Variants in THSD7B observed in about 807,000 individuals in gnomAD.
THSD7B encodes the protein thrombospondin type 1 domain containing 7B, also known as thrombospondin type-1 domain-containing protein 7B.
THSD7B carries 138 observed loss-of-function variants against 213.6 expected under a neutral mutation model. The observed-to-expected ratio is 0.65, with a 90% CI of 0.56 to 0.74. The LOEUF (loss-of-function observed/expected upper bound fraction) is 0.74, where lower values mean the gene tolerates loss of function less well. Among genes scored for constraint, THSD7B ranks in the 30% least tolerant of loss-of-function variants. The pLI, the probability that THSD7B is intolerant of heterozygous loss-of-function variation, is 0.00. For synonymous variants in THSD7B, 742 were observed against 687.0 expected (o/e 1.08, Z -1.25); for missense variants, 1,931 against 1,991.5 (o/e 0.97, Z 0.58).
chr2:137,273,995 T>C (rs566803592), intron 11 of THSD7B, among the ~76,000 whole-genome samples: 1 of 152,236 alleles, frequency 6.6e-6, no homozygotes, highest in Non-Finnish European at 1.5e-5. Context: ...CATTTCTTTG[T>C]CCACTCTTTT....
intron 2 of THSD7B, among the ~76,000 whole-genome samples, chr2:136,950,056 A>G (rs577440063): frequency 6.6e-6 from 1 of 152,286 alleles, no homozygotes; most frequent in East Asian, 1.9e-4. Flanking sequence ...GTTTGAGACA[A>G]GCCTGGCCAC....
At position 137,404,629 on chromosome 2, in the gene THSD7B, C is replaced by T. The variant is rs372684159; in HGVS notation, c.2501-984C>T. 2.0e-5 allele frequency among the ~76,000 whole-genome samples: 3 copies of T among 148,898 alleles called. No homozygotes were observed. In the South Asian group the frequency reaches 6.4e-4, roughly 32 times the overall value. On this transcript the variant is annotated intron_variant, in intron 12 of 27. Coordinates refer to ENST00000409968, the MANE Select transcript of THSD7B (RefSeq NM_001316349.2). ...TACTATATATGATCATATATATGATCGTATATAGTGTATATATAATATATA... is the reference window on the plus strand; with the variant it reads ...TACTATATATGATCATATATATGATTGTATATAGTGTATATATAATATATA...
At chr2:137,638,414 T>C (rs1682874929) in intron 20 of THSD7B, among the ~76,000 whole-genome samples, 1 of 152,138 alleles carries the variant, frequency 6.6e-6, no homozygotes, top group African/African-American at 2.4e-5. Flanking sequence ...GCCTTTCACC[T>C]CCCACCATGA....
At chr2:136,776,163 G>T (rs895827529) in intron 1 of THSD7B, among the ~76,000 whole-genome samples, 4 of 152,084 alleles carry the variant, frequency 2.6e-5, no homozygotes, top group African/African-American at 4.8e-5. Flanking sequence ...GGGTTTTATA[G>T]GTGAGTAGAT....
intron 7 of THSD7B, among the ~76,000 whole-genome samples, chr2:137,176,559 A>G (rs911903816): frequency 6.6e-6 from 1 of 152,222 alleles, no homozygotes; most frequent in African/African-American, 2.4e-5. Flanking sequence ...TGGAATAGTC[A>G]GAAGTAATGG....
At position 137,072,837 on chromosome 2, in the gene THSD7B, C is replaced by T. The variant is rs535358990; in HGVS notation, c.950+15607C>T. ...AAGCGTTGTTGAATTTTGTCAAAGGCCTTTTCTGCATCTATTGAGATAACC... is the reference window on the plus strand; with the variant it reads ...AAGCGTTGTTGAATTTTGTCAAAGGTCTTTTCTGCATCTATTGAGATAACC... On this transcript the variant is annotated intron_variant, in intron 3 of 27. Transcript: ENST00000409968. Among the ~76,000 whole-genome samples the T allele has an allele frequency of 5.3e-5, 8 of 152,152 alleles. No homozygotes were observed. In the East Asian group the frequency reaches 1.4e-3, roughly 26 times the overall value.
At chr2:137,027,904 GA>G (rs1181145118) in intron 2 of THSD7B, among the ~76,000 whole-genome samples, 2 of 152,124 alleles carry the variant, frequency 1.3e-5, no homozygotes, top group African/African-American at 4.8e-5. Context: ...CATCAGAGAG[GA>G]AAGTCATATT....
chr2:137,171,103 C>T (rs762341598), intron 7 of THSD7B, among the ~76,000 whole-genome samples, 165 bp downstream of exon 7: 22 of 152,070 alleles, frequency 1.4e-4, no homozygotes, highest in Non-Finnish European at 2.6e-4. Flanking sequence ...AAGTAAGGTG[C>T]CGTGACTTAA....
intron 17 of THSD7B, among the ~76,000 whole-genome samples, chr2:137,593,835 T>C (rs900838528): frequency 2.6e-5 from 4 of 152,004 alleles, no homozygotes; most frequent in African/African-American, 7.2e-5. Flanking sequence ...TCCTAAGAAA[T>C]CTTTTTCTTA....
At chr2:137,309,319 G>A (rs1443816547) in intron 12 of THSD7B, among the ~76,000 whole-genome samples, 1 of 151,150 alleles carries the variant, frequency 6.6e-6, no homozygotes, top group African/African-American at 2.4e-5. Context: ...CTGGCTGTTT[G>A]CTTTTTTGTC....
chr2:136,793,457 T>C lies in THSD7B; in HGVS notation c.-36+27770T>C, dbSNP rs750727047. On this transcript the variant is annotated intron_variant, in intron 1 of 27. Coordinates refer to ENST00000409968, the MANE Select transcript of THSD7B (RefSeq NM_001316349.2). ...AGTCCTTTATCATATACGTAGTTCATAAATATTTTTCCCAGTGTGTGGGGT... is the reference window on the plus strand; with the variant it reads ...AGTCCTTTATCATATACGTAGTTCACAAATATTTTTCCCAGTGTGTGGGGT... Among the ~76,000 whole-genome samples, 5 of 152,168 alleles carry C rather than the reference T, an allele frequency of 3.3e-5. No individual in the cohort carries two copies. In the South Asian group the frequency reaches 6.2e-4, roughly 19 times the overall value.
chr2:136,788,560 C>CTAT (rs1681910121), intron 1 of THSD7B, among the ~76,000 whole-genome samples: 3 of 151,528 alleles, frequency 2.0e-5, no homozygotes, highest in Admixed American at 6.6e-5. Flanking sequence ...ATTTTTTTTC[C>CTAT]TTTGGAGAAT....
intron 7 of THSD7B, among the ~76,000 whole-genome samples, chr2:137,202,104 G>T (rs943138065): frequency 6.6e-6 from 1 of 152,104 alleles, no homozygotes; most frequent in Non-Finnish European, 1.5e-5. Flanking sequence ...GCAGAAGAGA[G>T]ATTCTTTGTT....
chr2:137,053,363 CT>C (rs1346038367), intron 2 of THSD7B, among the ~76,000 whole-genome samples: 1 of 151,976 alleles, frequency 6.6e-6, no homozygotes, highest in Non-Finnish European at 1.5e-5. Context: ...AATAGTTATA[CT>C]TTTTTTCTCC....
intron 1 of THSD7B, among the ~76,000 whole-genome samples, chr2:136,857,444 G>A (rs1683193702): frequency 6.6e-6 from 1 of 152,172 alleles, no homozygotes; most frequent in South Asian, 2.1e-4. Context: ...TTCCCTAACT[G>A]CCAAAGTGTT....
intron 15 of THSD7B, among the ~76,000 whole-genome samples, chr2:137,498,240 A>G (rs1056601092): frequency 1.3e-5 from 2 of 152,116 alleles, no homozygotes; most frequent in African/African-American, 4.8e-5. Context: ...GCTCCCCATC[A>G]TGTGCCAAGA....
intron 13 of THSD7B, 66 bp downstream of exon 13, chr2:137,405,873 T>C: frequency 1.4e-6 from 2 of 1,425,836 alleles, no homozygotes; most frequent in Non-Finnish European, 1.9e-6. Flanking sequence ...TTGTGTAGAA[T>C]ATGAGGTCCA....
chr2:137,182,128 T>A (rs1006268119), intron 7 of THSD7B, among the ~76,000 whole-genome samples: 1 of 152,102 alleles, frequency 6.6e-6, no homozygotes, highest in African/African-American at 2.4e-5. Context: ...TCCCAGCAGG[T>A]ATGAGAAGAT....
chr2:137,051,925 A>G (rs1687077850), intron 2 of THSD7B, among the ~76,000 whole-genome samples: 1 of 152,166 alleles, frequency 6.6e-6, no homozygotes, highest in Non-Finnish European at 1.5e-5. Context: ...GTGATGATTT[A>G]TGTTGGGTGA....
Sources: allele counts gnomAD v4.1 joint callset (sites outside exome capture counted in the v4.1 genomes callset), GRCh38; gene constraint gnomAD v4.1.1; transcripts MANE v1.5; gene names NCBI Gene and HGNC (gene_info 2026-07-23, HGNC 2026-07-21).